Variants in TRABD2A observed in about 807,000 individuals in gnomAD.
TRABD2A encodes the protein TraB domain containing 2A, also known as metalloprotease TIKI1.
In TRABD2A, 43 loss-of-function variants were observed where a neutral mutation model predicts 45.6. That is an observed-to-expected ratio of 0.94 (90% CI 0.74 to 1.22). The LOEUF is 1.22. Ranked by LOEUF, TRABD2A falls within the 50% of genes most tolerant of loss-of-function variation. The pLI is 0.00. For synonymous variants in TRABD2A, 269 were observed against 265.0 expected, an observed-to-expected ratio of 1.02 and a Z score of -0.15; for missense variants, 642 against 652.4, an observed-to-expected ratio of 0.98 and a Z score of 0.17.
intron 5 of TRABD2A, among the ~76,000 whole-genome samples, chr2:84,826,789 C>T (rs1681161792): frequency 6.6e-6 from 1 of 152,230 alleles, no homozygotes; most frequent in Non-Finnish European, 1.5e-5. Flanking sequence ...ACCTTGGCCT[C>T]CCAAAGTGCT....
In TRABD2A at chr2:84,824,087, A is replaced by G. The variant is rs1295562927; in HGVS notation, c.1200T>C (p.Pro400=). The change falls in exon 6 of 7, where the codon CCT becomes CCC. Residue 400 remains proline (P), a synonymous_variant. Coordinates refer to ENST00000409520, the MANE Select transcript of TRABD2A (RefSeq NM_001277053.2). ...EAVSSGHSTL[P]PLVSRPGSAD... ...CACTTCCAGGCCGGGACACAAGGGG[A>G]GGCAGCGTTGAGTGCCCTGAGGATA... 1 of 1,613,710 alleles carries G rather than the reference A, an allele frequency of 6.2e-7. No homozygotes were observed. The highest frequency in any genetic ancestry group is 8.5e-7 in the Non-Finnish European group (1 of 1,179,808).
chr2:84,864,080 A>G (rs1206674136), intron 2 of TRABD2A, among the ~76,000 whole-genome samples: 1 of 151,856 alleles, frequency 6.6e-6, no homozygotes, highest in Non-Finnish European at 1.5e-5. Context: ...CCCTCAGCCA[A>G]TTACTCCTCT....
chr2:84,878,801 C>T (rs2105417229), intron 1 of TRABD2A, among the ~76,000 whole-genome samples: 1 of 152,308 alleles, frequency 6.6e-6, no homozygotes, highest in Non-Finnish European at 1.5e-5. Flanking sequence ...CCCCAACCCA[C>T]TGAGGAACCC....
intron 3 of TRABD2A, among the ~76,000 whole-genome samples, chr2:84,839,604 A>T (rs974184305): frequency 6.6e-6 from 1 of 151,838 alleles, no homozygotes; most frequent in African/African-American, 2.4e-5. Flanking sequence ...CCGTGTGTTT[A>T]TAAAAAAAAA....
rs545770276 is a variant in TRABD2A, at chr2:84,848,568, T to G, written c.670-6561A>C. 1.0e-3 allele frequency among the ~76,000 whole-genome samples: 150 copies of G among 148,610 alleles called. 2 individuals are homozygous for G. Among genetic ancestry groups the G allele is most frequent in the African/African-American group, 9.5e-4 (39 of 40,860 alleles). On this transcript the variant is annotated intron_variant, in intron 2 of 6. Transcript: ENST00000409520. ...ATATATTTTATATATATTACATATATAGAGAGAGAGACAGAGAGAGAGAAA... is the reference window on the plus strand; with the variant it reads ...ATATATTTTATATATATTACATATAGAGAGAGAGAGACAGAGAGAGAGAAA...
rs1221191088 is a variant in TRABD2A at position 84,821,896 on chromosome 2, T to TTAGCCTGG, written c.*13_*20dup. ...TCTTCAAGTCCGAGGGGTCAGGTTC[T>TTAGCCTGG]TAGCCTGGTGCTTCCAGTCGTTACA... On this transcript the variant is annotated 3_prime_UTR_variant, in exon 7 of 7. Coordinates refer to ENST00000409520, the MANE Select transcript of TRABD2A (RefSeq NM_001277053.2). 1.3e-6 allele frequency: 2 copies of TTAGCCTGG among 1,558,204 alleles called. No homozygotes were observed. Among genetic ancestry groups the TTAGCCTGG allele is most frequent in the Non-Finnish European group, 1.7e-6 (2 of 1,151,062 alleles).
chr2:84,875,959 C>G (rs1054437489), intron 1 of TRABD2A, among the ~76,000 whole-genome samples: 2 of 150,322 alleles, frequency 1.3e-5, no homozygotes, highest in Non-Finnish European at 1.5e-5. Context: ...CACCACTGCA[C>G]TCCTGCCTGG....
intron 2 of TRABD2A, 106 bp downstream of exon 2, chr2:84,870,119 A>G: frequency 8.4e-7 from 1 of 1,193,466 alleles, no homozygotes; most frequent in Non-Finnish European, 1.2e-6. Context: ...AAGCAAAGAC[A>G]ATTTCTAGAC....
intron 5 of TRABD2A, 75 bp from the exon 6 acceptor site, chr2:84,824,279 C>CT: frequency 6.4e-7 from 1 of 1,558,642 alleles, no homozygotes; most frequent in Non-Finnish European, 8.6e-7. Flanking sequence ...TCTCTTACAC[C>CT]TCAGGGTTTC....
intron 5 of TRABD2A, among the ~76,000 whole-genome samples, chr2:84,828,619 G>A (rs77937401): frequency 0.025 from 3,825 of 152,168 alleles, 58 homozygotes; most frequent in Middle Eastern, 0.092. Context: ...CTGTATGCAC[G>A]TTCACCCCTA....
intron 2 of TRABD2A, among the ~76,000 whole-genome samples, chr2:84,860,898 C>A (rs1226810763): frequency 6.6e-6 from 1 of 152,186 alleles, no homozygotes; most frequent in Non-Finnish European, 1.5e-5. Context: ...AGATGTAGGC[C>A]ACATTTGAGA....
intron 5 of TRABD2A, among the ~76,000 whole-genome samples, chr2:84,829,409 C>T (rs1681249645): frequency 1.4e-5 from 2 of 147,146 alleles, no homozygotes; most frequent in African/African-American, 5.0e-5. Flanking sequence ...CCACACACAC[C>T]ACACATACCA....
At chr2:84,846,313 A>T (rs1374433805) in intron 2 of TRABD2A, among the ~76,000 whole-genome samples, 2 of 152,170 alleles carry the variant, frequency 1.3e-5, no homozygotes, top group Non-Finnish European at 2.9e-5. Flanking sequence ...TGCTGCAATG[A>T]TCCAAATAAC....
chr2:84,838,381 G>C (rs1176823564), intron 4 of TRABD2A: 1 of 604,576 alleles, frequency 1.7e-6, no homozygotes, highest in Non-Finnish European at 3.0e-6. Context: ...CTGTGGAAAA[G>C]TTGATTTTGA....
chr2:84,863,597 C>CTTTTTTTTTTT lies in TRABD2A; in HGVS notation c.669+6617_669+6627dup, dbSNP rs55952015. ...CTTAGAAAGGCTCTATTCAAATTTT[C>CTTTTTTTTTTT]TTTTTTTTTTTTTTTTTTTTTTTTG... On this transcript the variant is annotated intron_variant, in intron 2 of 6. Transcript: ENST00000409520. 7.5e-3 allele frequency among the ~76,000 whole-genome samples: 584 copies of CTTTTTTTTTTT among 78,180 alleles called. 7 individuals are homozygous for CTTTTTTTTTTT. The highest frequency in any genetic ancestry group is 0.019 in the Middle Eastern group (1 of 52). 51.3% of individuals were successfully genotyped at this position (78,180 alleles called of 152,430 possible). A position where few individuals can be genotyped will look rare whatever the true frequency, so the allele number is the denominator to read the frequency against.
chr2:84,859,955 G>C (rs1003485085), intron 2 of TRABD2A, among the ~76,000 whole-genome samples: 3 of 151,948 alleles, frequency 2.0e-5, no homozygotes, highest in Non-Finnish European at 4.4e-5. Flanking sequence ...GAGATGGGGG[G>C]GGGTCTCACT....
intron 2 of TRABD2A, chr2:84,844,051 T>A (rs1681801971): frequency 6.6e-6 from 1 of 152,280 alleles, no homozygotes. Flanking sequence ...CCCAAGGTTC[T>A]GCACAATAGC....
intron 2 of TRABD2A, among the ~76,000 whole-genome samples, chr2:84,847,629 G>T (rs911174181): frequency 1.3e-5 from 2 of 152,220 alleles, no homozygotes; most frequent in Admixed American, 1.3e-4. Flanking sequence ...GCAGGCACAA[G>T]GGTCCTGGAT....
chr2:84,825,756 G>A (rs1156828368), intron 5 of TRABD2A, among the ~76,000 whole-genome samples: 1 of 152,152 alleles, frequency 6.6e-6, no homozygotes, highest in African/African-American at 2.4e-5. Context: ...ACAGCAGGAT[G>A]TGAGTGGCAG....
Sources: allele counts gnomAD v4.1 joint callset (sites outside exome capture counted in the v4.1 genomes callset), GRCh38; gene constraint gnomAD v4.1.1; transcripts MANE v1.5; gene names NCBI Gene and HGNC (gene_info 2026-07-23, HGNC 2026-07-21).